ZCCHC14: variants seen among roughly 807,000 people sequenced by gnomAD.
The protein encoded by ZCCHC14 is zinc finger CCHC domain-containing protein 14.
ZCCHC14 carries 16 observed loss-of-function variants against 85.0 expected under a neutral mutation model. The ratio of observed to expected loss-of-function variants is 0.19; its 90% CI spans 0.13 to 0.29. The LOEUF (loss-of-function observed/expected upper bound fraction) is 0.29. ZCCHC14 is among the 10% of genes least tolerant of loss of function. The pLI, the probability that ZCCHC14 is intolerant of heterozygous loss-of-function variation, is 1.00. For missense variants in ZCCHC14, 1,303 were observed against 1,443.5 expected, an observed-to-expected ratio of 0.90 and a Z score of 1.58; for synonymous variants, 775 against 630.7, an observed-to-expected ratio of 1.23 and a Z score of -3.43.
chr16:87,435,837 A>T (rs1447392962), intron 2 of ZCCHC14, among the ~76,000 whole-genome samples: 1 of 152,274 alleles, frequency 6.6e-6, no homozygotes, highest in East Asian at 1.9e-4. Context: ...AACAAAGAGC[A>T]CAGCACATTT....
At chr16:87,432,977 C>T (rs1231168863) in intron 3 of ZCCHC14, 151 bp downstream of exon 3, 9 of 693,010 alleles carry the variant, frequency 1.3e-5, no homozygotes, top group Non-Finnish European at 2.1e-5. Context: ...CTGGAGACAG[C>T]CCACCCCGAG....
At chr16:87,425,593 A>G (rs1909330240) in intron 3 of ZCCHC14, among the ~76,000 whole-genome samples, 2 of 151,966 alleles carry the variant, frequency 1.3e-5, no homozygotes. Context: ...AAAAGAAAGA[A>G]AGAAAGAAAA....
intron 2 of ZCCHC14, among the ~76,000 whole-genome samples, chr16:87,437,337 C>CAAA (rs34871367): frequency 5.2e-5 from 3 of 57,758 alleles, no homozygotes; most frequent in African/African-American, 1.5e-4. Context: ...AATTCCATCT[C>CAAA]AAAAAAAAAA....
intron 7 of ZCCHC14, 128 bp from the exon 8 acceptor site, chr16:87,417,870 C>T: frequency 8.7e-7 from 1 of 1,145,932 alleles, no homozygotes; most frequent in African/African-American, 1.6e-5. Flanking sequence ...TTGTCACAGG[C>T]CACCCTGAAC....
chr16:87,488,626 G>C (rs1233076692), intron 1 of ZCCHC14, among the ~76,000 whole-genome samples: 1 of 152,198 alleles, frequency 6.6e-6, no homozygotes, highest in Non-Finnish European at 1.5e-5. Context: ...ACCCAGGCTG[G>C]AATGCAGTGG....
chr16:87,490,244 AAC>A (rs1912691985), intron 1 of ZCCHC14, among the ~76,000 whole-genome samples: 1 of 152,268 alleles, frequency 6.6e-6, no homozygotes, highest in Admixed American at 6.5e-5. Flanking sequence ...CAGCTTTAAA[AAC>A]ACACACATAA....
intron 3 of ZCCHC14, among the ~76,000 whole-genome samples, chr16:87,430,838 T>A (rs540130658): frequency 2.0e-5 from 3 of 150,898 alleles, no homozygotes; most frequent in South Asian, 4.4e-4. Context: ...CAGAATCAAC[T>A]TGATTTCTAA....
intron 2 of ZCCHC14, among the ~76,000 whole-genome samples, chr16:87,435,608 C>G (rs770996020): frequency 6.6e-6 from 1 of 152,248 alleles, no homozygotes; most frequent in Non-Finnish European, 1.5e-5. Flanking sequence ...GCTGCAAACA[C>G]CCGGCCACGT....
chr16:87,418,894 G>T lies in ZCCHC14; in HGVS notation c.1053C>A (p.Gly351=), dbSNP rs755073059. The change falls in exon 7 of 13, where the codon GGC becomes GGA. Residue 351 remains glycine (G), a synonymous_variant. Transcript: ENST00000671377. ...TACCTACTTTAGAAAGGGAGGGATT[G>T]CCAGGACCTATAAATTTAAAAATAA... ...PPQQLQSPSP[G]NPSLSKVGTV... The T allele has an allele frequency of 6.2e-7, 1 of 1,611,152 alleles. No individual in the cohort carries two copies. Among genetic ancestry groups the T allele is most frequent in the Non-Finnish European group, 8.5e-7 (1 of 1,178,202 alleles).
Position 87,411,850 on chromosome 16 carries a change from G to C in ZCCHC14, c.2871C>G (p.Phe957Leu), listed in dbSNP as rs1219679130. 6.2e-7 allele frequency: 1 copy of C among 1,609,146 alleles called. No homozygotes were observed. Among genetic ancestry groups the C allele is most frequent in the African/African-American group, 1.3e-5 (1 of 74,868 alleles). The change falls in exon 12 of 13, where the codon TTC becomes TTG. Residue 957 changes from phenylalanine to leucine, a missense_variant. Physicochemically the swap from Phe to Leu is conservative, Grantham distance 22 (BLOSUM62 0). Around this residue, in one of 7 missense-constraint regions of ZCCHC14, gnomAD observed 797 missense variants for 730.8 expected, o/e 1.09. Transcript: ENST00000671377. ...FQHPFSGPSV[F>L]TFPFLPFSPM... ...GACTGAAGGGCAAGAAGGGGAAGGT[G>C]AACACGGACGGACCGGAGAACGGGT...
intron 2 of ZCCHC14, among the ~76,000 whole-genome samples, chr16:87,448,077 T>C (rs1910526446): frequency 6.6e-6 from 1 of 152,192 alleles, no homozygotes. Flanking sequence ...AATCTACTGC[T>C]TGGAATGCAT....
chr16:87,458,031 T>G (rs75363127), intron 2 of ZCCHC14, among the ~76,000 whole-genome samples: 2,455 of 151,814 alleles, frequency 0.016, 25 homozygotes, highest in Middle Eastern at 0.048. Context: ...CAGCTCACCC[T>G]CTGTCTCTCT....
chr16:87,413,294 A>G, intron 10 of ZCCHC14, 99 bp from the exon 11 acceptor site: 1 of 1,414,378 alleles, frequency 7.1e-7, no homozygotes, highest in Non-Finnish European at 9.3e-7. Flanking sequence ...TGCTCCTTCC[A>G]GGGAAACGCA....
chr16:87,414,158 G>C lies in ZCCHC14; in HGVS notation c.1603+256C>G, dbSNP rs35809943. On this transcript the variant is annotated intron_variant, in intron 10 of 12. Transcript: ENST00000671377. The stretch of plus-strand genomic sequence containing the variant: ...CGAGTAACCCACCTGCCCGGCACAC[G>C]GGCCCTCTCTGTGTACGAGTAACCC... Among the ~76,000 whole-genome samples the C allele has an allele frequency of 0.028, 3,299 of 116,508 alleles. 73 individuals carry two copies. The highest frequency in any genetic ancestry group is 0.15 in the East Asian group (339 of 2,202). The allele number at this position is 116,508 out of a possible 152,430, so 76.4% of individuals were successfully genotyped here.
At chr16:87,421,290 C>T (rs1042986939) in intron 4 of ZCCHC14, among the ~76,000 whole-genome samples, 1 of 152,206 alleles carries the variant, frequency 6.6e-6, no homozygotes, top group Non-Finnish European at 1.5e-5. Context: ...TAAGACGTTG[C>T]AGGAGGGACA....
chr16:87,412,536 G>T lies in ZCCHC14; in HGVS notation c.2185C>A (p.Pro729Thr), dbSNP rs1220166888. 2.5e-6 allele frequency: 4 copies of T among 1,613,960 alleles called. No individual in the cohort carries two copies. Among genetic ancestry groups the T allele is most frequent in the Non-Finnish European group, 1.7e-6 (2 of 1,180,040 alleles). ...SSMSPTVSFG[P>T]RTKVVHASTL... ...GATGCATGCACGACTTTGGTCCGGG[G>T]ACCAAAGGAGACTGTGGGTGACATG... The change falls in exon 12 of 13, where the codon CCC becomes ACC. Residue 729 changes from proline to threonine, a missense_variant. Physicochemically the swap from Pro to Thr is conservative, Grantham distance 38 (BLOSUM62 -1). This residue lies in a region of ZCCHC14 where 797 missense variants were observed against 730.8 expected (regional missense o/e 1.09). Coordinates refer to ENST00000671377, the MANE Select transcript of ZCCHC14 (RefSeq NM_015144.3).
intron 1 of ZCCHC14, among the ~76,000 whole-genome samples, chr16:87,481,011 A>G (rs75758431): frequency 0.017 from 2,535 of 152,298 alleles, 25 homozygotes; most frequent in Middle Eastern, 0.048. Context: ...CCAGAAATGA[A>G]GCTCCTGCAG....
intron 1 of ZCCHC14, chr16:87,471,444 G>A (rs752110862): frequency 6.6e-6 from 1 of 152,220 alleles, no homozygotes; most frequent in Admixed American, 6.5e-5. Context: ...AAGAGAAAGA[G>A]AGAAAAAAGA....
intron 2 of ZCCHC14, among the ~76,000 whole-genome samples, chr16:87,434,601 G>A (rs1455965786): frequency 1.3e-5 from 2 of 152,156 alleles, no homozygotes; most frequent in African/African-American, 2.4e-5. Context: ...CCCAAAGACC[G>A]CCTGGTCTCC....
Sources: allele counts gnomAD v4.1 joint callset (sites outside exome capture counted in the v4.1 genomes callset), GRCh38; gene constraint gnomAD v4.1.1; regional missense constraint gnomAD v4.1.1; transcripts MANE v1.5; gene names NCBI Gene and HGNC (gene_info 2026-07-23, HGNC 2026-07-21).